ODF2L: variants seen among roughly 807,000 people sequenced by gnomAD.
The protein encoded by ODF2L is outer dense fiber of sperm tails 2 like, also known as protein BCAP.
In ODF2L, 76 loss-of-function variants were observed where a neutral mutation model predicts 86.3. The observed-to-expected ratio is 0.88, with a 90% CI of 0.73 to 1.07. The LOEUF is 1.07. Among genes scored for constraint, ODF2L ranks in the 50% least tolerant of loss-of-function variants. The pLI is 0.00. For synonymous variants in ODF2L, 241 were observed against 231.3 expected, an observed-to-expected ratio of 1.04 and a Z score of -0.38; for missense variants, 748 against 717.4, an observed-to-expected ratio of 1.04 and a Z score of -0.49.
intron 7 of ODF2L, among the ~76,000 whole-genome samples, chr1:86,376,986 C>T (rs1179218184): frequency 1.3e-5 from 2 of 152,180 alleles, no homozygotes; most frequent in African/African-American, 2.4e-5. Context: ...CCAGCATTAA[C>T]CCAAAAGCCC....
intron 2 of ODF2L, 67 bp from the exon 3 acceptor site, chr1:86,385,657 G>T: frequency 3.2e-6 from 4 of 1,250,774 alleles, no homozygotes; most frequent in South Asian, 2.4e-5. Context: ...CCTCAGAAAT[G>T]CCATATCACC....
chr1:86,369,699 A>C (rs1659664453), intron 10 of ODF2L, among the ~76,000 whole-genome samples: 1 of 152,208 alleles, frequency 6.6e-6, no homozygotes, highest in African/African-American at 2.4e-5. Flanking sequence ...ACTGTACTGC[A>C]TAACACTATG....
At chr1:86,384,581 T>C (rs1472737960) in intron 4 of ODF2L, 95 bp downstream of exon 4, 2 of 822,636 alleles carry the variant, frequency 2.4e-6, no homozygotes, top group Non-Finnish European at 3.4e-6. Flanking sequence ...TATTTCCATT[T>C]CAAATATACC....
exon 8 of ODF2L, chr1:86,376,301 C>G (rs1239825359): frequency 6.2e-7 from 1 of 1,612,620 alleles, no homozygotes; most frequent in African/African-American, 1.3e-5. Flanking sequence ...TGTTTGTAAA[C>G]TTTAGATGCC....
intron 1 of ODF2L, among the ~76,000 whole-genome samples, chr1:86,390,125 G>A (rs554433351): frequency 7.9e-5 from 12 of 152,218 alleles, no homozygotes; most frequent in African/African-American, 2.9e-4. Flanking sequence ...GAACATAGAT[G>A]CAAGAATTCT....
chr1:86,387,014 A>G, exon 2 of ODF2L: 1 of 1,560,122 alleles, frequency 6.4e-7, no homozygotes. Flanking sequence ...TCCATCATTT[A>G]CAGCCTTCTC....
chr1:86,364,368 A>T (rs919522123), intron 11 of ODF2L, among the ~76,000 whole-genome samples: 1 of 152,212 alleles, frequency 6.6e-6, no homozygotes, highest in African/African-American at 2.4e-5. Context: ...CATTGAGAAG[A>T]CTTTGGGAGG....
At chr1:86,362,479 C>A (rs1040979250) in intron 11 of ODF2L, among the ~76,000 whole-genome samples, 51 of 151,516 alleles carry the variant, frequency 3.4e-4, no homozygotes, top group Admixed American at 3.4e-3. Flanking sequence ...TTTGTAGACA[C>A]GAGGTCTCAG....
chr1:86,376,199 A>G (rs762838661), intron 8 of ODF2L, 34 bp downstream of exon 8: 1 of 1,214,888 alleles, frequency 8.2e-7, no homozygotes, highest in South Asian at 1.3e-5. Flanking sequence ...TACATAATAG[A>G]TCTTTTAATT....
chr1:86,348,995 AAAT>A (rs1657949832), downstream of ODF2L: 5 of 1,104,594 alleles, frequency 4.5e-6, no homozygotes, highest in Admixed American at 4.0e-5. Flanking sequence ...TGATTTTTTA[AAAT>A]AATACTCACA....
exon 18 of ODF2L, chr1:86,352,111 G>T: frequency 6.9e-7 from 1 of 1,454,844 alleles, no homozygotes; most frequent in Non-Finnish European, 9.0e-7. Flanking sequence ...AAATCAAATT[G>T]TGCATGCCAA....
At chr1:86,376,806 G>A (rs1386023634) in intron 7 of ODF2L, among the ~76,000 whole-genome samples, 1 of 152,084 alleles carries the variant, frequency 6.6e-6, no homozygotes. Flanking sequence ...CCTCCCACCA[G>A]GTCTCTCCCT....
intron 13 of ODF2L, 81 bp from the exon 13 acceptor site, chr1:86,356,683 C>T: frequency 8.5e-7 from 1 of 1,177,098 alleles, no homozygotes. Context: ...ACTAGATATG[C>T]TTATAACGTA....
intron 3 of ODF2L, 78 bp from the exon 4 acceptor site, chr1:86,384,879 A>C: frequency 1.7e-6 from 2 of 1,148,938 alleles, no homozygotes; most frequent in Admixed American, 3.2e-5. Flanking sequence ...TTATCAAACA[A>C]TATTTTTTCC....
chr1:86,379,610 T>A (rs186197471), intron 7 of ODF2L, among the ~76,000 whole-genome samples: 30 of 152,332 alleles, frequency 2.0e-4, no homozygotes, highest in Admixed American at 3.3e-4. Flanking sequence ...CTTAAAGATA[T>A]GATTATAATC....
chr1:86,352,699 T>A (rs1444064298), intron 17 of ODF2L, among the ~76,000 whole-genome samples, 160 bp downstream of exon 16: 1 of 152,180 alleles, frequency 6.6e-6, no homozygotes, highest in Non-Finnish European at 1.5e-5. Flanking sequence ...ATAAATTATT[T>A]GGCATATCAT....
intron 1 of ODF2L, among the ~76,000 whole-genome samples, chr1:86,394,527 T>C (rs1303800949): frequency 6.6e-6 from 1 of 152,138 alleles, no homozygotes. Flanking sequence ...AAGTTCAATT[T>C]AGATTCAAAA....
intron 1 of ODF2L, among the ~76,000 whole-genome samples, chr1:86,392,207 A>C (rs184179280): frequency 6.6e-6 from 1 of 152,336 alleles, no homozygotes; most frequent in Non-Finnish European, 1.5e-5. Context: ...GGATGCAGTG[A>C]AAAGAGAACA....
At chr1:86,371,273 C>CA (rs1659766724) in intron 9 of ODF2L, 120 bp from the exon 10 acceptor site, 1 of 484,060 alleles carries the variant, frequency 2.1e-6, no homozygotes, top group Non-Finnish European at 3.6e-6. Context: ...AGGGAATATA[C>CA]AAAAAATAAA....
Sources: allele counts gnomAD v4.1 joint callset (sites outside exome capture counted in the v4.1 genomes callset), GRCh38; gene constraint gnomAD v4.1.1; transcripts MANE v1.5; gene names NCBI Gene and HGNC (gene_info 2026-07-23, HGNC 2026-07-21).